Variants in YWHAG observed in about 807,000 individuals in gnomAD.
YWHAG encodes tyrosine 3-monooxygenase/tryptophan 5-monooxygenase activation protein gamma, also known as 14-3-3 protein gamma.
YWHAG carries 1 observed loss-of-function variant against 23.3 expected under a neutral mutation model. The ratio of observed to expected loss-of-function variants is 0.04; its 90% confidence interval spans 0.02 to 0.20. YWHAG has a LOEUF of 0.20. Among genes scored for constraint, YWHAG ranks in the 10% least tolerant of loss-of-function variants. The pLI is 1.00. For missense variants in YWHAG, 151 were observed against 338.6 expected, an observed-to-expected ratio of 0.45 and a Z score of 4.35; for synonymous variants, 160 against 144.0, an observed-to-expected ratio of 1.11 and a Z score of -0.80.
At chr7:76,356,687 C>T (rs1803966196) in intron 1 of YWHAG, among the ~76,000 whole-genome samples, 1 of 151,944 alleles carries the variant, frequency 6.6e-6, no homozygotes, top group African/African-American at 2.4e-5. Flanking sequence ...CATCATTGCC[C>T]AGTATTTTAA....
In YWHAG at chr7:76,328,079, A is replaced by C. The variant is rs1803479214; in HGVS notation, c.*1498T>G. 1 of 152,146 alleles carries C rather than the reference A, an allele frequency of 6.6e-6. No individual in the cohort carries two copies. The highest frequency in any genetic ancestry group is 2.4e-5 in the African/African-American group (1 of 41,436). 9.4% of individuals were successfully genotyped at this position (152,146 alleles called of 1,614,324 possible). A position where few individuals can be genotyped will look rare whatever the true frequency, so the allele number is the denominator to read the frequency against. The stretch of plus-strand genomic sequence containing the variant: ...TTACACGTCTCGGGAGTTCCTCGTC[A>C]CTGACTTTATATATATAAAAAAAAG... On this transcript the variant is annotated 3_prime_UTR_variant, in exon 2 of 2. Transcript: ENST00000307630.
chr7:76,327,643 A>C lies in YWHAG; in HGVS notation c.*1934T>G, dbSNP rs1426832034. The stretch of plus-strand genomic sequence containing the variant: ...ACACTGCTCACTGGACATGAAGATA[A>C]ATTAGGGAAAGCCCCACCTACCCTG... On this transcript the variant is annotated 3_prime_UTR_variant, in exon 2 of 2. Transcript: ENST00000307630. 1 of 149,988 alleles carries C rather than the reference A, an allele frequency of 6.7e-6. No individual in the cohort carries two copies. The highest frequency in any genetic ancestry group is 1.5e-5 in the Non-Finnish European group (1 of 67,506). The allele number at this position is 149,988 out of a possible 1,614,324, so 9.3% of individuals were successfully genotyped here. A position where few individuals can be genotyped will look rare whatever the true frequency, so the allele number is the denominator to read the frequency against.
intron 1 of YWHAG, among the ~76,000 whole-genome samples, chr7:76,345,238 T>C (rs10227196): frequency 0.082 from 12,029 of 146,682 alleles, 780 homozygotes; most frequent in African/African-American, 0.17. Flanking sequence ...CAGGCTGGAG[T>C]GCAGTGGCAC....
At position 76,358,746 on chromosome 7, in the gene YWHAG, G is replaced by A. The variant is rs371405636; in HGVS notation, c.63C>T (p.Asp21=). Reference sequence around the variant, plus strand: ...CGTTCTTCATGGCCGCGGCCATGTCGTCGTAGCGCTCCGCCTGCTCGGCCA... The same window carrying A: ...CGTTCTTCATGGCCGCGGCCATGTCATCGTAGCGCTCCGCCTGCTCGGCCA... ...ARLAEQAERY[D]DMAAAMKNVT... is the part of the protein sequence containing the mutation. The change falls in exon 1 of 2, where the codon GAC becomes GAT. Residue 21 remains aspartate (D), a synonymous_variant. Transcript: ENST00000307630. 6.8e-5 allele frequency: 109 copies of A among 1,592,050 alleles called. 1 individual carries two copies. The highest frequency in any genetic ancestry group is 9.3e-5 in the Non-Finnish European group (109 of 1,170,842).
At chr7:76,356,887 G>A (rs1380828512) in intron 1 of YWHAG, among the ~76,000 whole-genome samples, 1 of 152,072 alleles carries the variant, frequency 6.6e-6, no homozygotes, top group Non-Finnish European at 1.5e-5. Flanking sequence ...CTGGCTTATC[G>A]GCTAATTTCT....
intron 1 of YWHAG, among the ~76,000 whole-genome samples, chr7:76,348,488 C>A (rs1307514395): frequency 2.0e-5 from 3 of 150,038 alleles, no homozygotes; most frequent in African/African-American, 7.4e-5. Context: ...GTGCAAGCTG[C>A]GCCACCCCGG....
At chr7:76,334,007 G>C (rs1274282498) in intron 1 of YWHAG, among the ~76,000 whole-genome samples, 1 of 152,154 alleles carries the variant, frequency 6.6e-6, no homozygotes, top group East Asian at 1.9e-4. Flanking sequence ...AGACACATTG[G>C]AACAAGGAGA....
intron 1 of YWHAG, among the ~76,000 whole-genome samples, chr7:76,338,502 C>T (rs1037816492): frequency 6.6e-6 from 1 of 152,106 alleles, no homozygotes; most frequent in Non-Finnish European, 1.5e-5. Flanking sequence ...TCCCCAGAGT[C>T]ACCTCATTAA....
At chr7:76,338,843 G>A (rs1213504640) in intron 1 of YWHAG, among the ~76,000 whole-genome samples, 2 of 152,222 alleles carry the variant, frequency 1.3e-5, no homozygotes, top group East Asian at 1.9e-4. Context: ...CACTGGTCAT[G>A]TGCATATGAC....
intron 1 of YWHAG, among the ~76,000 whole-genome samples, chr7:76,347,249 A>C (rs1803791916): frequency 6.6e-6 from 1 of 152,184 alleles, no homozygotes; most frequent in South Asian, 2.1e-4. Context: ...CAGTGCATTT[A>C]TTTCTTTCAC....
chr7:76,341,761 G>A (rs1164636500), intron 1 of YWHAG, among the ~76,000 whole-genome samples: 1 of 152,138 alleles, frequency 6.6e-6, no homozygotes, highest in African/African-American at 2.4e-5. Flanking sequence ...GGGAATGACT[G>A]CCAATATGGG....
rs561583390 is a variant in YWHAG at position 76,354,092 on chromosome 7, C to T, written c.87+4630G>A. On this transcript the variant is annotated intron_variant, in intron 1 of 1. Transcript: ENST00000307630. ...AAAAAACAAAAAACAAGCAATCAAA[C>T]GCACACATAATTATAGACTGGAATA... Among the ~76,000 whole-genome samples, 143 of 144,838 alleles carry T rather than the reference C, an allele frequency of 9.9e-4. 3 individuals carry two copies. In the South Asian group the frequency reaches 0.02, roughly 20 times the overall value.
At chr7:76,335,058 T>G (rs543497032) in intron 1 of YWHAG, among the ~76,000 whole-genome samples, 2 of 152,248 alleles carry the variant, frequency 1.3e-5, no homozygotes, top group Non-Finnish European at 2.9e-5. Flanking sequence ...TTCTTATTTT[T>G]ATTTTATTTA....
At chr7:76,345,281 G>A (rs571039593) in intron 1 of YWHAG, among the ~76,000 whole-genome samples, 1 of 151,226 alleles carries the variant, frequency 6.6e-6, no homozygotes, top group East Asian at 2.0e-4. Flanking sequence ...TGCCTCCCGG[G>A]TTCACACCAT....
Position 76,343,979 on chromosome 7 carries a change from A to G in YWHAG, c.88-13746T>C, listed in dbSNP as rs182894724. Among the ~76,000 whole-genome samples, 5 of 152,278 alleles carry G rather than the reference A, an allele frequency of 3.3e-5. No individual in the cohort carries two copies. The East Asian group carries it at 9.6e-4, about 29-fold the overall frequency. On this transcript the variant is annotated intron_variant, in intron 1 of 1. Coordinates refer to ENST00000307630, the MANE Select transcript of YWHAG (RefSeq NM_012479.4). ...ACTTACGAAAAGCAAATCATACTCA[A>G]TTCCTATTGAGATGTCAGTCAAAGC...
At chr7:76,330,760 G>A (rs1053332293) in intron 1 of YWHAG, among the ~76,000 whole-genome samples, 3 of 152,186 alleles carry the variant, frequency 2.0e-5, no homozygotes, top group African/African-American at 7.2e-5. Context: ...GAGTCTGATC[G>A]CTGTGATACT....
At chr7:76,336,676 G>A (rs1583985254) in intron 1 of YWHAG, among the ~76,000 whole-genome samples, 1 of 151,328 alleles carries the variant, frequency 6.6e-6, no homozygotes, top group Non-Finnish European at 1.5e-5. Context: ...GGCTGGTCTC[G>A]AACTCCTGAC....
rs943602924 is a variant in YWHAG at position 76,326,848 on chromosome 7, C to T, written c.*2729G>A. ...AATGTACGACAGCTACATAATGACT[C>T]ACATTCATGATATTCCATCACTGAG... On this transcript the variant is annotated 3_prime_UTR_variant, in exon 2 of 2. Coordinates refer to ENST00000307630, the MANE Select transcript of YWHAG (RefSeq NM_012479.4). The T allele has an allele frequency of 6.6e-6, 1 of 152,634 alleles. No individual in the cohort carries two copies. The highest frequency in any genetic ancestry group is 2.4e-5 in the African/African-American group (1 of 41,450). The allele number at this position is 152,634 out of a possible 1,614,324, so 9.5% of individuals were successfully genotyped here.
chr7:76,332,597 T>G (rs1314495993), intron 1 of YWHAG, among the ~76,000 whole-genome samples: 1 of 152,160 alleles, frequency 6.6e-6, no homozygotes, highest in East Asian at 1.9e-4. Flanking sequence ...CACACCTCAC[T>G]GCAGCCTCAA....
Sources: gnomAD v4.1 joint callset for allele counts (sites outside exome capture counted in the v4.1 genomes callset) on GRCh38, gnomAD v4.1.1 for gene constraint, MANE v1.5 for transcripts, NCBI Gene and HGNC (gene_info 2026-07-23, HGNC 2026-07-21) for gene names.